The following TMEM175 variants were observed in gnomAD, a reference collection of about 807,000 sequenced individuals.
TMEM175 encodes the protein transmembrane protein 175.
In TMEM175, 36 loss-of-function variants were observed where a neutral mutation model predicts 36.5. The observed-to-expected ratio is 0.99, with a 90% CI of 0.76 to 1.30. TMEM175 has a LOEUF of 1.30. TMEM175 is among the 50% of genes most tolerant of loss of function. The probability of loss-of-function intolerance (pLI) is 0.00; values close to 1 mark genes in which losing one functional copy is unlikely to be tolerated. For synonymous variants in TMEM175, 339 were observed against 313.4 expected (o/e 1.08, Z -0.86); for missense variants, 705 against 692.8 (o/e 1.02, Z -0.20).
intron 10 of TMEM175, 40 bp from the exon 11 acceptor site, chr4:957,784 C>T (rs778688569): frequency 1.5e-5 from 24 of 1,556,854 alleles, no homozygotes; most frequent in Middle Eastern, 1.7e-4. Context: ...TGTGTGGCCA[C>T]GGCAAGGCCG....
intron 8 of TMEM175, among the ~76,000 whole-genome samples, chr4:954,061 T>A (rs141870214): frequency 2.2e-3 from 329 of 152,062 alleles, no homozygotes; most frequent in African/African-American, 7.7e-3. Context: ...CAATCTCGGC[T>A]CATTGCAACC....
intron 1 of TMEM175, among the ~76,000 whole-genome samples, chr4:941,774 A>G (rs973894202): frequency 6.6e-6 from 1 of 152,022 alleles, no homozygotes; most frequent in Non-Finnish European, 1.5e-5. Context: ...CGGCTTAAAG[A>G]AAAAATCAAT....
chr4:951,173 G>A (rs754918429), intron 4 of TMEM175, 34 bp from the exon 5 acceptor site: 42 of 1,607,798 alleles, frequency 2.6e-5, no homozygotes, highest in South Asian at 4.4e-5. Context: ...CTACAACCGC[G>A]TTTTATTGTC....
Position 950,460 on chromosome 4 carries a change from A to G in TMEM175, c.232A>G (p.Ile78Val), listed in dbSNP as rs1432935452. ...TGTACAGAGGCTTCTGGCAACACGG[A>G]TTGCCGTCTACCTGATGACCTTTCT... ...RSVQRLLATR[I>V]AVYLMTFLIV... is the part of the protein sequence containing the mutation. The change falls in exon 4 of 11, where the codon ATT becomes GTT. Residue 78 changes from isoleucine to valine, a missense_variant. Ile to Val is a conservative substitution (Grantham distance 29). Transcript: ENST00000264771. The G allele has an allele frequency of 6.2e-7, 1 of 1,614,040 alleles. No individual in the cohort carries two copies. Among genetic ancestry groups the G allele is most frequent in the Non-Finnish European group, 8.5e-7 (1 of 1,179,986 alleles).
chr4:952,680 G>A (rs1317786907), intron 7 of TMEM175, among the ~76,000 whole-genome samples: 1 of 146,358 alleles, frequency 6.8e-6, no homozygotes, highest in African/African-American at 2.5e-5. Flanking sequence ...TGCTCTTGGG[G>A]CCCGGGGTCC....
intron 1 of TMEM175, among the ~76,000 whole-genome samples, chr4:935,080 G>A (rs890720446): frequency 1.3e-5 from 2 of 152,192 alleles, no homozygotes; most frequent in Admixed American, 6.5e-5. Flanking sequence ...ATAACTCACT[G>A]GAAAGCATGA....
intron 10 of TMEM175, chr4:956,378 A>ATCTGCCTCTTCGTCTGTTAGAGCGCGCG: frequency 3.1e-6 from 4 of 1,288,066 alleles, no homozygotes; most frequent in Non-Finnish European, 4.0e-6. Flanking sequence ...CCGCGGCCTC[A>ATCTGCCTCTTCGTCTGTTAGAGCGCGCG]TCTGCCTCTT....
At chr4:953,651 G>C (rs142656810) in intron 8 of TMEM175, among the ~76,000 whole-genome samples, 1 of 152,224 alleles carries the variant, frequency 6.6e-6, no homozygotes, top group African/African-American at 2.4e-5. Context: ...CAGAAACAGC[G>C]ACACCCGGAA....
intron 3 of TMEM175, chr4:948,450 G>A: frequency 6.7e-7 from 1 of 1,485,218 alleles, no homozygotes; most frequent in South Asian, 1.2e-5. Context: ...CAGAGGACAG[G>A]TTGGAAGAGG....
intron 1 of TMEM175, among the ~76,000 whole-genome samples, chr4:944,314 C>T (rs544053446): frequency 2.2e-4 from 34 of 152,232 alleles, no homozygotes; most frequent in South Asian, 8.3e-4. Context: ...ACTAAATAAA[C>T]GAGGCAAAAT....
At chr4:950,283 C>T in intron 3 of TMEM175, 138 bp from the exon 4 acceptor site, 1 of 669,106 alleles carries the variant, frequency 1.5e-6, no homozygotes, top group South Asian at 1.8e-5. Flanking sequence ...AGGACCCTCC[C>T]AGGTGCCTCA....
At position 950,519 on chromosome 4, in the gene TMEM175, G is replaced by C; in HGVS notation, c.290+1G>C. On this transcript the variant is annotated splice_donor_variant, in intron 4 of 10. Coordinates refer to ENST00000264771, the MANE Select transcript of TMEM175 (RefSeq NM_032326.4). LOFTEE classifies it high-confidence loss of function. ...CAGTGGCCTGGGCAGCACACACAAG[G>C]TGGGGGCCCGGGCGCTTCCAGCGGT... The C allele has an allele frequency of 1.2e-6, 2 of 1,613,230 alleles. No homozygotes were observed. The highest frequency in any genetic ancestry group is 8.5e-7 in the Non-Finnish European group (1 of 1,179,386).
intron 8 of TMEM175, 126 bp from the exon 9 acceptor site, chr4:955,279 A>G (rs1729461968): frequency 4.3e-6 from 3 of 693,684 alleles, no homozygotes; most frequent in Middle Eastern, 5.2e-4. Context: ...AGGCCCCATC[A>G]GATACATGAT....
intron 3 of TMEM175, among the ~76,000 whole-genome samples, chr4:949,901 A>G (rs1240937511): frequency 6.6e-6 from 1 of 151,870 alleles, no homozygotes; most frequent in Non-Finnish European, 1.5e-5. Flanking sequence ...CGCATGCCGG[A>G]CGCCTCACAG....
At chr4:952,879 C>T (rs1436837639) in intron 7 of TMEM175, among the ~76,000 whole-genome samples, 1 of 152,024 alleles carries the variant, frequency 6.6e-6, no homozygotes, top group East Asian at 1.9e-4. Context: ...CCAGAGTCCC[C>T]GCTTTCTGAC....
At chr4:953,623 C>A (rs1053851687) in intron 8 of TMEM175, among the ~76,000 whole-genome samples, 1 of 152,250 alleles carries the variant, frequency 6.6e-6, no homozygotes, top group African/African-American at 2.4e-5. Context: ...CTCAGAGAAG[C>A]TTCACGATGA....
rs1475417073 is a variant in TMEM175 at position 953,302 on chromosome 4, G to A, written c.575G>A (p.Gly192Asp). The A allele has an allele frequency of 1.9e-6, 3 of 1,614,068 alleles. 1 individual carries two copies. The highest frequency in any genetic ancestry group is 2.2e-5 in the South Asian group (2 of 91,080). The change falls in exon 8 of 11, where the codon GGC (glycine) becomes GAC (aspartate). Residue 192 changes from glycine to aspartate, a missense_variant. Transcript: ENST00000264771. Reference sequence around the variant, plus strand: ...CACGTCCTGGGCATCGTCCTCCAAGGCCCGGCCCTGTGCTTTGCAGCGGCC... The same window carrying A: ...CACGTCCTGGGCATCGTCCTCCAAGACCCGGCCCTGTGCTTTGCAGCGGCC... ...RRHVLGIVLQ[G>D]PALCFAAAIF...
intron 1 of TMEM175, among the ~76,000 whole-genome samples, chr4:944,569 G>A (rs1005625749): frequency 6.6e-6 from 1 of 152,052 alleles, no homozygotes; most frequent in Non-Finnish European, 1.5e-5. Context: ...TCTTATTTGT[G>A]GTTTTCATTT....
intron 10 of TMEM175, 160 bp downstream of exon 10, chr4:956,050 G>A (rs896926884): frequency 8.2e-6 from 8 of 973,620 alleles, no homozygotes; most frequent in Non-Finnish European, 1.2e-5. Context: ...CCCCACTTCA[G>A]GGAGGACAAC....
Sources: allele counts gnomAD v4.1 joint callset (sites outside exome capture counted in the v4.1 genomes callset), GRCh38; gene constraint gnomAD v4.1.1; transcripts MANE v1.5; gene names NCBI Gene and HGNC (gene_info 2026-07-23, HGNC 2026-07-21).